GATA6: variants seen among roughly 807,000 people sequenced by gnomAD.
GATA6 encodes the protein transcription factor GATA-6.
GATA6 carries 11 observed loss-of-function variants against 48.1 expected under a neutral mutation model. The observed-to-expected ratio is 0.23, with a 90% CI of 0.14 to 0.38. The LOEUF is 0.38. Among genes scored for constraint, GATA6 ranks in the 10% least tolerant of loss-of-function variants. GATA6 has a pLI of 1.00. For missense variants in GATA6, 795 were observed against 850.3 expected (o/e 0.93, Z 0.81); for synonymous variants, 419 against 396.1 (o/e 1.06, Z -0.69).
chr18:22,184,218 T>A (rs925142703), intron 6 of GATA6, among the ~76,000 whole-genome samples: 2 of 152,226 alleles, frequency 1.3e-5, no homozygotes, highest in Non-Finnish European at 2.9e-5. Context: ...ATGTTTAAAC[T>A]GTGCTTAAAA....
intron 2 of GATA6, chr18:22,175,388 T>A (rs1163554742): frequency 6.6e-6 from 1 of 152,144 alleles, no homozygotes; most frequent in Non-Finnish European, 1.5e-5. Flanking sequence ...TAGGACTGGG[T>A]TTTCCAGGGA....
intron 3 of GATA6, among the ~76,000 whole-genome samples, chr18:22,177,761 T>G (rs2033141693): frequency 6.6e-6 from 1 of 152,138 alleles, no homozygotes; most frequent in South Asian, 2.1e-4. Context: ...CTTGGTCACT[T>G]CTACCTCTTA....
Position 22,200,991 on chromosome 18 carries a change from G to A in GATA6, c.*168G>A, listed in dbSNP as rs1048788648. On this transcript the variant is annotated 3_prime_UTR_variant, in exon 7 of 7. Coordinates refer to ENST00000269216, the MANE Select transcript of GATA6 (RefSeq NM_005257.6). Reference sequence around the variant, plus strand: ...CAAGAGGCTTGCTGAAAGAGTGAGAGAAGATGGAAGGGAAGGGCCAGTGCA... The same window carrying A: ...CAAGAGGCTTGCTGAAAGAGTGAGAAAAGATGGAAGGGAAGGGCCAGTGCA... 1.1e-6 allele frequency: 1 copy of A among 872,956 alleles called. No homozygotes were observed. Among genetic ancestry groups the A allele is most frequent in the Admixed American group, 2.6e-5 (1 of 38,918 alleles). 54.1% of individuals were successfully genotyped at this position (872,956 alleles called of 1,614,324 possible).
At chr18:22,193,513 A>T (rs540455821) in intron 6 of GATA6, among the ~76,000 whole-genome samples, 3 of 152,240 alleles carry the variant, frequency 2.0e-5, no homozygotes, top group Non-Finnish European at 4.4e-5. Context: ...AAAAGCAGAG[A>T]AGAGCTTTGG....
intron 4 of GATA6, 94 bp downstream of exon 4, chr18:22,181,672 A>C: frequency 7.0e-7 from 1 of 1,432,130 alleles, no homozygotes; most frequent in South Asian, 1.2e-5. Context: ...AAGATACTCA[A>C]GTGAAAAATT....
Position 22,171,099 on chromosome 18 carries a change from C to G in GATA6, c.-37-9C>G. 6.4e-7 allele frequency: 1 copy of G among 1,557,412 alleles called. No homozygotes were observed. Among genetic ancestry groups the G allele is most frequent in the Non-Finnish European group, 8.7e-7 (1 of 1,143,854 alleles). On this transcript the variant is annotated splice_polypyrimidine_tract_variant and intron_variant, in intron 1 of 6. Coordinates refer to ENST00000269216, the MANE Select transcript of GATA6 (RefSeq NM_005257.6). This position sits in a 1 kb window ranked among gnomAD's most constrained non-coding sequence, Gnocchi z 7.1. ...TCCTACCATACCCGTCTCCCCCACC[C>G]CACCTCAGGAGCTAGACGTCAGCTT...
chr18:22,188,554 T>C (rs976900017), intron 6 of GATA6, among the ~76,000 whole-genome samples: 8 of 152,100 alleles, frequency 5.3e-5, no homozygotes, highest in African/African-American at 1.9e-4. Flanking sequence ...GTGAGGCTGG[T>C]AGAACGGGTG....
intron 6 of GATA6, among the ~76,000 whole-genome samples, chr18:22,194,672 A>G (rs1008855396): frequency 6.6e-6 from 1 of 152,122 alleles, no homozygotes; most frequent in Non-Finnish European, 1.5e-5. Flanking sequence ...TATTAGGTCC[A>G]GGATCATAGT....
Position 22,177,139 on chromosome 18 carries a change from TGCCCCTGGCTCGCGG to T in GATA6, c.1302+19_1302+33del. The T allele has an allele frequency of 1.9e-6, 3 of 1,539,156 alleles. No individual in the cohort carries two copies. Among genetic ancestry groups the T allele is most frequent in the Non-Finnish European group, 2.6e-6 (3 of 1,143,082 alleles). On this transcript the variant is annotated intron_variant, in intron 3 of 6. Coordinates refer to ENST00000269216, the MANE Select transcript of GATA6 (RefSeq NM_005257.6). The stretch of plus-strand genomic sequence containing the variant: ...AGCGCGTGGTGAGTGTGACCCGCCC[TGCCCCTGGCTCGCGG>T]CCGGCCCCGGGCTCTCCTGGCCCGG...
chr18:22,197,776 G>A (rs890881111), intron 6 of GATA6, among the ~76,000 whole-genome samples: 1 of 151,970 alleles, frequency 6.6e-6, no homozygotes, highest in African/African-American at 2.4e-5. Context: ...CAGGACTTGA[G>A]AGTCCAAGCT....
intron 6 of GATA6, among the ~76,000 whole-genome samples, chr18:22,193,838 C>G (rs1156893233): frequency 6.6e-6 from 1 of 152,168 alleles, no homozygotes; most frequent in Non-Finnish European, 1.5e-5. Flanking sequence ...ATGTAATCCA[C>G]AAGCCGAAGA....
intron 6 of GATA6, among the ~76,000 whole-genome samples, chr18:22,189,911 G>A (rs769341369): frequency 9.2e-5 from 14 of 152,214 alleles, no homozygotes; most frequent in South Asian, 6.2e-4. Flanking sequence ...GATGCAGAAG[G>A]TAAAGAACAG....
intron 2 of GATA6, among the ~76,000 whole-genome samples, chr18:22,175,239 A>C (rs966936053): frequency 1.3e-5 from 2 of 152,180 alleles, no homozygotes; most frequent in African/African-American, 4.8e-5. Flanking sequence ...ATTCAACTAA[A>C]AATAAGCAAG....
In GATA6 at chr18:22,171,806, C is replaced by T. The variant is rs1345514195; in HGVS notation, c.662C>T (p.Ala221Val). The change falls in exon 2 of 7, where the codon GCG (alanine) becomes GTG (valine). Residue 221 changes from alanine (A) to valine (V), a missense_variant. Ala to Val is a moderately conservative substitution (Grantham distance 64, BLOSUM62 0). Transcript: ENST00000269216. This position sits in a 1 kb window ranked among gnomAD's most constrained non-coding sequence, Gnocchi z 7.1. The part of the protein sequence containing the change: ...GPANHAGGAG[A>V]HPGWPQASAD... Reference sequence around the variant, plus strand: ...GCCAACCACGCGGGCGGCGCGGGCGCGCACCCCGGCTGGCCTCAGGCCTCG... The same window carrying T: ...GCCAACCACGCGGGCGGCGCGGGCGTGCACCCCGGCTGGCCTCAGGCCTCG... 4 of 1,294,600 alleles carry T rather than the reference C, an allele frequency of 3.1e-6. No homozygotes were observed. The South Asian group carries it at 9.8e-5, about 32-fold the overall frequency. The allele number at this position is 1,294,600 out of a possible 1,614,324, so 80.2% of individuals were successfully genotyped here.
At chr18:22,198,652 T>A (rs2033420404) in intron 6 of GATA6, among the ~76,000 whole-genome samples, 1 of 152,248 alleles carries the variant, frequency 6.6e-6, no homozygotes, top group South Asian at 2.1e-4. Flanking sequence ...CTTTTGTAAT[T>A]GAATATCATC....
chr18:22,182,748 ATT>A lies in GATA6; in HGVS notation c.1429-4_1429-3del. On this transcript the variant is annotated splice_polypyrimidine_tract_variant and splice_region_variant and intron_variant, in intron 4 of 6. Coordinates refer to ENST00000269216, the MANE Select transcript of GATA6 (RefSeq NM_005257.6). ...TATTAAATTTATGGCCTATGTGAAA[ATT>A]TTTTAGGTGCCCAGACCACTTGCTA... 6.2e-7 allele frequency: 1 copy of A among 1,608,520 alleles called. No homozygotes were observed. Among genetic ancestry groups the A allele is most frequent in the Non-Finnish European group, 8.5e-7 (1 of 1,176,068 alleles).
rs979067151 is a variant in GATA6, at chr18:22,177,944, G to GTTTTTTTTTTTTTTTTTTTTTTTT, written c.1302+830_1302+831insTTTTTTTTTTTTTTTTTTTTTTTT. On this transcript the variant is annotated intron_variant, in intron 3 of 6. Transcript: ENST00000269216. The stretch of plus-strand genomic sequence containing the variant: ...TTCCCCAATTCGCACACGTTTTACT[G>GTTTTTTTTTTTTTTTTTTTTTTTT]TTTTTTTGTTTTTTTTTTTTTTTTT... 1.7e-4 allele frequency among the ~76,000 whole-genome samples: 13 copies of GTTTTTTTTTTTTTTTTTTTTTTTT among 77,886 alleles called. 3 individuals are homozygous for GTTTTTTTTTTTTTTTTTTTTTTTT. The highest frequency in any genetic ancestry group is 6.9e-4 in the African/African-American group (11 of 15,882). The allele number at this position is 77,886 out of a possible 152,430, so 51.1% of individuals were successfully genotyped here.
chr18:22,171,814 G>T lies in GATA6; in HGVS notation c.670G>T (p.Gly224Cys). 7.8e-7 allele frequency: 1 copy of T among 1,286,250 alleles called. No individual in the cohort carries two copies. Among genetic ancestry groups the T allele is most frequent in the Middle Eastern group, 3.0e-4 (1 of 3,370 alleles). The allele number at this position is 1,286,250 out of a possible 1,614,324, so 79.7% of individuals were successfully genotyped here. Residue 224 changes from glycine (G) to cysteine (C), a missense_variant, in exon 2 of 7, where the codon GGC (glycine) becomes TGC (cysteine). Around this residue, in one of 5 missense-constraint regions of GATA6, gnomAD observed 591 missense variants for 570.0 expected, o/e 1.04. Transcript: ENST00000269216. This position sits in a 1 kb window ranked among gnomAD's most constrained non-coding sequence, Gnocchi z 7.1. ...NHAGGAGAHP[G>C]WPQASADSPP... Reference sequence around the variant, plus strand: ...CGCGGGCGGCGCGGGCGCGCACCCCGGCTGGCCTCAGGCCTCGGCCGACAG... The same window carrying T: ...CGCGGGCGGCGCGGGCGCGCACCCCTGCTGGCCTCAGGCCTCGGCCGACAG...
chr18:22,197,800 C>T (rs2033409953), intron 6 of GATA6, among the ~76,000 whole-genome samples: 1 of 143,426 alleles, frequency 7.0e-6, no homozygotes, highest in Non-Finnish European at 1.5e-5. Flanking sequence ...TCCCCTCCTT[C>T]TCATACTCCT....
Sources: allele counts gnomAD v4.1 joint callset (sites outside exome capture counted in the v4.1 genomes callset), GRCh38; gene constraint gnomAD v4.1.1; regional missense constraint gnomAD v4.1.1; non-coding constraint Gnocchi (gnomAD v3.1); transcripts MANE v1.5; gene names NCBI Gene and HGNC (gene_info 2026-07-23, HGNC 2026-07-21).